The following LRRC53 variants were observed in gnomAD, a reference collection of about 807,000 sequenced individuals.
LRRC53 encodes the protein leucine-rich repeat-containing protein 53.
LRRC53 carries 25 observed loss-of-function variants against 13.6 expected under a neutral mutation model. That is an observed-to-expected ratio of 1.83 (90% CI 1.34 to 2.56). LRRC53 has a LOEUF of 2.56. Among genes scored for constraint, LRRC53 ranks in the 30% most tolerant of loss-of-function variants. The pLI is 0.00. For missense variants in LRRC53, 527 were observed against 275.8 expected, an observed-to-expected ratio of 1.91 and a Z score of -6.45; for synonymous variants, 204 against 109.8, an observed-to-expected ratio of 1.86 and a Z score of -5.37.
chr1:74,499,883 T>A (rs1669520088), intron 1 of LRRC53, among the ~76,000 whole-genome samples: 1 of 152,158 alleles, frequency 6.6e-6, no homozygotes, highest in African/African-American at 2.4e-5. Context: ...TGATAAATAG[T>A]TACATCCATT....
upstream of LRRC53, among the ~76,000 whole-genome samples, chr1:74,516,146 A>G (rs1646344510): frequency 6.6e-6 from 1 of 152,092 alleles, no homozygotes; most frequent in African/African-American, 2.4e-5. Context: ...ATTGATAATA[A>G]CTCTGGTATT....
At chr1:74,522,106 G>A in the LRRC53 span, among the ~76,000 whole-genome samples, 1 of 152,234 alleles carries the variant, frequency 6.6e-6, no homozygotes, top group South Asian at 2.1e-4. Flanking sequence ...TCGCTGGCCA[G>A]GGATTGTTCT....
intron 4 of LRRC53, among the ~76,000 whole-genome samples, chr1:74,473,532 A>ATTT (rs11422312): frequency 6.8e-4 from 101 of 149,528 alleles, no homozygotes; most frequent in African/African-American, 2.0e-3. Context: ...TTAAAAGGCT[A>ATTT]TTTTTTTTTT....
At chr1:74,535,749 G>A in the LRRC53 span, among the ~76,000 whole-genome samples, 12 of 152,172 alleles carry the variant, frequency 7.9e-5, no homozygotes, top group Admixed American at 6.5e-4. Context: ...CTGTGGGAAT[G>A]TCATCTATAT....
intron 1 of LRRC53, among the ~76,000 whole-genome samples, chr1:74,489,640 T>C (rs1450545532): frequency 6.6e-6 from 1 of 152,124 alleles, no homozygotes; most frequent in African/African-American, 2.4e-5. Flanking sequence ...AAAAGAAAAA[T>C]TATCAATAAA....
intron 1 of LRRC53, chr1:74,489,301 G>A: frequency 1.3e-6 from 2 of 1,570,308 alleles, no homozygotes; most frequent in Non-Finnish European, 1.7e-6. Context: ...GCATATCCAA[G>A]GCTGTCAGGG....
the LRRC53 span, among the ~76,000 whole-genome samples, chr1:74,536,854 A>G: frequency 6.6e-6 from 1 of 152,272 alleles, no homozygotes; most frequent in Non-Finnish European, 1.5e-5. Flanking sequence ...CAGCTGCATC[A>G]CTGTATTTTC....
In LRRC53 at chr1:74,470,158, C is replaced by T. The variant is rs919772767; in HGVS notation, c.3464G>A (p.Cys1155Tyr). 7 of 400,544 alleles carry T rather than the reference C, an allele frequency of 1.7e-5. No individual in the cohort carries two copies. The East Asian group carries it at 2.5e-4, about 14-fold the overall frequency. 24.8% of individuals were successfully genotyped at this position (400,544 alleles called of 1,614,324 possible). A position where few individuals can be genotyped will look rare whatever the true frequency, so the allele number is the denominator to read the frequency against. ...SSHETQNRIL[C>Y]SEVDPEVNSN... ...GTTAACTTCAGGATCTACTTCACTG[C>T]AAAGTATTCTATTTTGGGTTTCATG... is the stretch of plus-strand genomic sequence containing the variant. Residue 1155 changes from cysteine (C) to tyrosine (Y), a missense_variant, in exon 5 of 5, where the codon TGC (cysteine) becomes TAC (tyrosine). By Grantham distance (194) the Cys-to-Tyr change is radical. Transcript: ENST00000294635.
Position 74,493,264 on chromosome 1 carries a change from T to C in LRRC53, c.-26-9889A>G, listed in dbSNP as rs1669166946. Among the ~76,000 whole-genome samples the C allele has an allele frequency of 2.6e-5, 4 of 152,196 alleles. No individual in the cohort carries two copies. In the South Asian group the frequency reaches 8.3e-4, roughly 31 times the overall value. ...GTCTCCCAGTTTTATTTGGGGCTGA[T>C]GAAAAGATTTTGGAATTAAAATGGT... On this transcript the variant is annotated intron_variant, in intron 1 of 4. Transcript: ENST00000294635.
intron 1 of LRRC53, among the ~76,000 whole-genome samples, chr1:74,503,155 G>T (rs1669721614): frequency 6.6e-6 from 1 of 152,124 alleles, no homozygotes. Context: ...GCTGACATTT[G>T]TGGGCAACAA....
intron 1 of LRRC53, among the ~76,000 whole-genome samples, chr1:74,503,324 G>T (rs542451861): frequency 1.0e-3 from 159 of 152,202 alleles, no homozygotes; most frequent in African/African-American, 3.4e-3. Flanking sequence ...AAACCAAAAA[G>T]GGTCTTTGGC....
At chr1:74,493,787 A>G (rs753005224) in intron 1 of LRRC53, among the ~76,000 whole-genome samples, 1 of 152,214 alleles carries the variant, frequency 6.6e-6, no homozygotes, top group African/African-American at 2.4e-5. Flanking sequence ...ACTCAAGAGG[A>G]CAAGCCCAAA....
At chr1:74,499,943 G>A (rs1428315850) in intron 1 of LRRC53, among the ~76,000 whole-genome samples, 1 of 151,806 alleles carries the variant, frequency 6.6e-6, no homozygotes, top group Non-Finnish European at 1.5e-5. Context: ...ATTTTATTCT[G>A]TCTAGTATTT....
chr1:74,522,006 G>A, the LRRC53 span, among the ~76,000 whole-genome samples: 3 of 152,268 alleles, frequency 2.0e-5, no homozygotes, highest in East Asian at 1.9e-4. Flanking sequence ...AAATTCAGAT[G>A]AGGGAGATAT....
Position 74,480,715 on chromosome 1 carries a change from C to A in LRRC53, c.342G>T (p.Leu114=). ...SKLHSLQVLV[L]SNNALRTLRG... ...GTAGGGTGCGGAGAGCATTATTGCT[C>A]AGCACCAGTACCTGCAGGCTGTGAA... Residue 114 remains leucine, a synonymous_variant, in exon 3 of 5, where the codon CTG becomes CTT. Transcript: ENST00000294635. The A allele has an allele frequency of 1.4e-6, 1 of 717,408 alleles. No homozygotes were observed. Among genetic ancestry groups the A allele is most frequent in the South Asian group, 1.5e-5 (1 of 67,576 alleles). The allele number at this position is 717,408 out of a possible 1,614,324, so 44.4% of individuals were successfully genotyped here.
chr1:74,486,748 A>T (rs1334911717), intron 1 of LRRC53, among the ~76,000 whole-genome samples: 1 of 152,058 alleles, frequency 6.6e-6, no homozygotes, highest in Admixed American at 6.6e-5. Flanking sequence ...AAGCTTAAAG[A>T]TAAGGAGGAG....
At chr1:74,484,540 C>T (rs759544976) in intron 1 of LRRC53, among the ~76,000 whole-genome samples, 9 of 152,108 alleles carry the variant, frequency 5.9e-5, no homozygotes, top group Non-Finnish European at 1.0e-4. Flanking sequence ...CGCATTGACT[C>T]GAGGGCTCTA....
intron 3 of LRRC53, among the ~76,000 whole-genome samples, chr1:74,476,329 A>G (rs1354246640): frequency 6.6e-6 from 1 of 152,098 alleles, no homozygotes; most frequent in Non-Finnish European, 1.5e-5. Context: ...GGCATCCTCA[A>G]CCACCTAAAT....
chr1:74,486,273 T>C (rs1435796919), intron 1 of LRRC53, among the ~76,000 whole-genome samples: 1 of 150,596 alleles, frequency 6.6e-6, no homozygotes, highest in African/African-American at 2.4e-5. Context: ...AGTGACTCAC[T>C]CCCCTCCAGG....
Sources: allele counts gnomAD v4.1 joint callset (sites outside exome capture counted in the v4.1 genomes callset), GRCh38; gene constraint gnomAD v4.1.1; transcripts MANE v1.5; gene names NCBI Gene and HGNC (gene_info 2026-07-23, HGNC 2026-07-21).